ENTPD3: variants seen among roughly 807,000 people sequenced by gnomAD.
ENTPD3 encodes CD39 antigen-like 3.
Under a neutral mutation model 51.2 loss-of-function variants are expected in ENTPD3, and 60 were observed. The observed-to-expected ratio is 1.17, with a 90% CI of 0.95 to 1.45. The LOEUF is 1.45. Ranked by LOEUF, ENTPD3 falls within the 40% of genes most tolerant of loss-of-function variation. The pLI is 0.00. For synonymous variants in ENTPD3, 221 were observed against 238.4 expected (o/e 0.93, Z 0.67); for missense variants, 593 against 641.1 (o/e 0.93, Z 0.81).
intron 4 of ENTPD3, among the ~76,000 whole-genome samples, chr3:40,403,014 A>G (rs1955404912): frequency 6.6e-6 from 1 of 152,154 alleles, no homozygotes; most frequent in Non-Finnish European, 1.5e-5. Flanking sequence ...TTGAGCCCAC[A>G]GGACAACAGG....
chr3:40,397,119 CTTTT>C (rs3064608), intron 3 of ENTPD3, among the ~76,000 whole-genome samples: 19 of 101,300 alleles, frequency 1.9e-4, no homozygotes, highest in Middle Eastern at 7.1e-3. Flanking sequence ...TAATTAGTTT[CTTTT>C]TTTTTTTTTT....
At chr3:40,424,996 A>C in intron 10 of ENTPD3, 1 of 399,808 alleles carries the variant, frequency 2.5e-6, no homozygotes, top group Non-Finnish European at 4.6e-6. Context: ...TTACCAGTAA[A>C]GTATATTATA....
intron 3 of ENTPD3, 53 bp downstream of exon 3, chr3:40,392,203 A>C (rs1196482512): frequency 6.3e-7 from 1 of 1,591,914 alleles, no homozygotes; most frequent in Non-Finnish European, 8.6e-7. Flanking sequence ...AAAGGGGAAG[A>C]AATCAATTAT....
intron 4 of ENTPD3, among the ~76,000 whole-genome samples, chr3:40,410,419 G>A (rs1208261848): frequency 6.7e-6 from 1 of 149,636 alleles, no homozygotes; most frequent in Non-Finnish European, 1.5e-5. Context: ...TGCAGTCTGG[G>A]TGACACAGTG....
Position 40,427,237 on chromosome 3 carries a change from G to C in ENTPD3, c.1354-35G>C, listed in dbSNP as rs1252803857. On this transcript the variant is annotated intron_variant, in intron 10 of 10. Coordinates refer to ENST00000301825, the MANE Select transcript of ENTPD3 (RefSeq NM_001248.4). ...GTATGTGATTGCAGCCTTGAGCCTT[G>C]CCCTGAGCGCTGAGCCATCTCCTCT... 3 of 1,536,684 alleles carry C rather than the reference G, an allele frequency of 2.0e-6. No individual in the cohort carries two copies. The African/African-American group carries it at 4.1e-5, about 21-fold the overall frequency.
intron 3 of ENTPD3, among the ~76,000 whole-genome samples, chr3:40,393,416 A>G (rs927822038): frequency 6.6e-6 from 1 of 152,150 alleles, no homozygotes; most frequent in African/African-American, 2.4e-5. Context: ...AGTCTTTTCC[A>G]TATCTTCCTG....
At chr3:40,394,035 C>T (rs989884266) in intron 3 of ENTPD3, among the ~76,000 whole-genome samples, 16 of 99,882 alleles carry the variant, frequency 1.6e-4, no homozygotes, top group Non-Finnish European at 2.1e-4. Context: ...GGCAACAGAG[C>T]GAGACTCTGT....
intron 7 of ENTPD3, 70 bp downstream of exon 7, chr3:40,416,143 C>A: frequency 9.0e-7 from 1 of 1,108,422 alleles, no homozygotes. Context: ...GAATGCCCTG[C>A]CTTCTGGGGT....
intron 4 of ENTPD3, among the ~76,000 whole-genome samples, chr3:40,406,302 C>T (rs1955495649): frequency 6.6e-6 from 1 of 152,094 alleles, no homozygotes; most frequent in Admixed American, 6.6e-5. Flanking sequence ...CCAGGAAAAG[C>T]CAAGGGGCCA....
At chr3:40,426,265 T>C (rs535519028) in intron 10 of ENTPD3, among the ~76,000 whole-genome samples, 2 of 151,998 alleles carry the variant, frequency 1.3e-5, no homozygotes, top group East Asian at 3.9e-4. Flanking sequence ...CCCACCATCA[T>C]GCCTGGCTAA....
chr3:40,412,420 T>C (rs948531077), intron 5 of ENTPD3, among the ~76,000 whole-genome samples: 1 of 152,242 alleles, frequency 6.6e-6, no homozygotes, highest in Non-Finnish European at 1.5e-5. Flanking sequence ...TCAAAGCTTT[T>C]GGAGTTGTTA....
At chr3:40,411,178 C>T (rs886772890) in intron 4 of ENTPD3, among the ~76,000 whole-genome samples, 9 of 151,472 alleles carry the variant, frequency 5.9e-5, no homozygotes, top group African/African-American at 2.2e-4. Context: ...GTAATTCCAG[C>T]TACTCATGAA....
chr3:40,396,691 C>T (rs923279473), intron 3 of ENTPD3, among the ~76,000 whole-genome samples: 3 of 152,126 alleles, frequency 2.0e-5, no homozygotes, highest in Non-Finnish European at 2.9e-5. Context: ...CCCAGTCCCC[C>T]GCTTTATCAT....
At chr3:40,411,675 A>G in intron 4 of ENTPD3, 137 bp from the exon 5 acceptor site, 1 of 703,182 alleles carries the variant, frequency 1.4e-6, no homozygotes. Context: ...ACCATACGGG[A>G]CTTACCACAT....
intron 7 of ENTPD3, among the ~76,000 whole-genome samples, chr3:40,419,619 C>T (rs1003050875): frequency 3.3e-5 from 5 of 152,132 alleles, no homozygotes; most frequent in African/African-American, 1.2e-4. Context: ...GTGACATCAA[C>T]AATTTCTATC....
chr3:40,400,815 G>T (rs1028855333), intron 3 of ENTPD3, 79 bp from the exon 4 acceptor site: 2 of 997,770 alleles, frequency 2.0e-6, no homozygotes, highest in Non-Finnish European at 3.1e-6. Flanking sequence ...AGGTACTCAG[G>T]GTTCTCAGTG....
Position 40,423,876 on chromosome 3 carries a change from C to T in ENTPD3, c.1266C>T (p.Cys422=). The T allele has an allele frequency of 6.2e-7, 1 of 1,614,154 alleles. No individual in the cohort carries two copies. Residue 422 remains cysteine, a synonymous_variant, in exon 10 of 11, where the codon TGC becomes TGT. Transcript: ENST00000301825. ...KFDEVYARSY[C]FSANYIYHLF... ...ATGAGGTATATGCCCGCTCTTACTG[C>T]TTCTCAGCCAACTACATCTACCACT...
chr3:40,400,101 CT>C (rs1367294170), intron 3 of ENTPD3, among the ~76,000 whole-genome samples: 9 of 151,750 alleles, frequency 5.9e-5, no homozygotes, highest in African/African-American at 2.2e-4. Flanking sequence ...CTTATCTCTA[CT>C]AAAAACACAA....
At chr3:40,423,436 CA>C (rs767032520) in intron 9 of ENTPD3, 35 bp downstream of exon 9, 8 of 1,390,108 alleles carry the variant, frequency 5.8e-6, no homozygotes, top group African/African-American at 1.4e-5. Context: ...AATGTCAGTA[CA>C]AAAAAATATG....
Sources: gnomAD v4.1 joint callset for allele counts (sites outside exome capture counted in the v4.1 genomes callset) on GRCh38, gnomAD v4.1.1 for gene constraint, MANE v1.5 for transcripts, NCBI Gene and HGNC (gene_info 2026-07-23, HGNC 2026-07-21) for gene names.